Variants in TMCC1 observed in about 807,000 individuals in gnomAD.
The protein encoded by TMCC1 is transmembrane and coiled-coil domains protein 1.
Under a neutral mutation model 52.4 loss-of-function variants are expected in TMCC1, and 15 were observed. That is an observed-to-expected ratio of 0.29 (90% CI 0.19 to 0.44). The LOEUF (loss-of-function observed/expected upper bound fraction) is 0.44. Ranked by LOEUF, TMCC1 falls within the 20% of genes least tolerant of loss-of-function variation. The probability of loss-of-function intolerance (pLI) is 1.00; values close to 1 mark genes in which losing one functional copy is unlikely to be tolerated. For missense variants in TMCC1, 503 were observed against 806.0 expected (o/e 0.62, Z 4.55); for synonymous variants, 279 against 301.9 (o/e 0.92, Z 0.79).
intron 4 of TMCC1, among the ~76,000 whole-genome samples, chr3:129,724,223 T>C (rs2049896883): frequency 1.3e-5 from 2 of 152,086 alleles, no homozygotes; most frequent in Admixed American, 1.3e-4. Context: ...AAACAAGAGA[T>C]CTATGGTGTC....
intron 4 of TMCC1, among the ~76,000 whole-genome samples, chr3:129,683,118 A>C (rs1232682197): frequency 6.6e-6 from 1 of 152,248 alleles, no homozygotes; most frequent in Non-Finnish European, 1.5e-5. Flanking sequence ...TACAGGCATG[A>C]GCCACTACGC....
chr3:129,708,220 G>A (rs1220137168), intron 4 of TMCC1, among the ~76,000 whole-genome samples: 2 of 151,866 alleles, frequency 1.3e-5, no homozygotes, highest in Admixed American at 6.6e-5. Flanking sequence ...TTCCTCTTGG[G>A]GTGTTTTATG....
At chr3:129,658,139 A>G (rs1392990926) in intron 5 of TMCC1, among the ~76,000 whole-genome samples, 1 of 152,158 alleles carries the variant, frequency 6.6e-6, no homozygotes, top group African/African-American at 2.4e-5. Context: ...TTCTCCTTCA[A>G]TCGATGGATG....
chr3:129,780,542 T>C (rs2055436997), intron 4 of TMCC1, among the ~76,000 whole-genome samples: 1 of 152,054 alleles, frequency 6.6e-6, no homozygotes, highest in South Asian at 2.1e-4. Flanking sequence ...AAAATCTTTT[T>C]ACTTAGCCAT....
chr3:129,830,721 G>A (rs1285240696), intron 3 of TMCC1, among the ~76,000 whole-genome samples: 5 of 152,298 alleles, frequency 3.3e-5, no homozygotes, highest in African/African-American at 7.2e-5. Context: ...AAGAATAAAG[G>A]AATGATGTCA....
chr3:129,707,930 CAAAAA>C (rs931591808), intron 4 of TMCC1, among the ~76,000 whole-genome samples: 1 of 128,144 alleles, frequency 7.8e-6, no homozygotes, highest in African/African-American at 2.9e-5. Context: ...GACTCAGTCT[CAAAAA>C]AAAAAAAGTT....
chr3:129,840,368 C>A (rs2059369891), intron 2 of TMCC1, among the ~76,000 whole-genome samples: 1 of 146,802 alleles, frequency 6.8e-6, no homozygotes, highest in South Asian at 2.2e-4. Context: ...ATATTCGGTC[C>A]ACAAGAAGCC....
In TMCC1 at chr3:129,889,472, G is replaced by T. The variant is rs192358504; in HGVS notation, c.-435+4022C>A. ...ACCTGTGGAAACCTGATAAAGTATG[G>T]TCTCTGTGATAATGTATCAATACTG... On this transcript the variant is annotated intron_variant, in intron 1 of 6. Coordinates refer to ENST00000393238, the MANE Select transcript of TMCC1 (RefSeq NM_001017395.5). Among the ~76,000 whole-genome samples the T allele has an allele frequency of 1.4e-3, 206 of 152,290 alleles. 7 individuals carry two copies. The South Asian group carries it at 0.042, about 31-fold the overall frequency.
At chr3:129,825,106 C>A (rs1351844313) in intron 4 of TMCC1, among the ~76,000 whole-genome samples, 1 of 152,206 alleles carries the variant, frequency 6.6e-6, no homozygotes, top group Admixed American at 6.5e-5. Context: ...CTCACTTCCA[C>A]CTACCAATCC....
At chr3:129,850,002 G>T (rs2059845097) in intron 2 of TMCC1, among the ~76,000 whole-genome samples, 1 of 151,260 alleles carries the variant, frequency 6.6e-6, no homozygotes, top group Admixed American at 6.6e-5. Flanking sequence ...TTAACATTTA[G>T]ATTAGGTATC....
At chr3:129,832,430 G>C (rs1329849120) in intron 3 of TMCC1, among the ~76,000 whole-genome samples, 1 of 152,126 alleles carries the variant, frequency 6.6e-6, no homozygotes, top group Admixed American at 6.5e-5. Context: ...CTACCAGTCA[G>C]GCATTTCAAA....
chr3:129,658,546 C>T (rs544095844), intron 5 of TMCC1, among the ~76,000 whole-genome samples: 1 of 152,322 alleles, frequency 6.6e-6, no homozygotes, highest in South Asian at 2.1e-4. Flanking sequence ...TAGCAGCAGC[C>T]TGTGGGCTCT....
chr3:129,726,197 T>C (rs963793516), intron 4 of TMCC1, among the ~76,000 whole-genome samples: 3 of 152,202 alleles, frequency 2.0e-5, no homozygotes, highest in African/African-American at 4.8e-5. Context: ...TCTAAATTAC[T>C]ATCCTCAATG....
At chr3:129,761,374 T>A (rs2053584574) in intron 4 of TMCC1, among the ~76,000 whole-genome samples, 1 of 144,556 alleles carries the variant, frequency 6.9e-6, no homozygotes, top group African/African-American at 2.5e-5. Flanking sequence ...CACCTGTTGA[T>A]CCCTCCTCCT....
At chr3:129,657,608 G>C (rs1006878739) in intron 5 of TMCC1, among the ~76,000 whole-genome samples, 2 of 152,216 alleles carry the variant, frequency 1.3e-5, no homozygotes, top group African/African-American at 4.8e-5. Context: ...TAAGAAATCA[G>C]AGTCAGAGTG....
Position 129,671,213 on chromosome 3 carries a change from A to C in TMCC1, c.628T>G (p.Ser210Ala). Residue 210 changes from serine to alanine, a missense_variant, in exon 5 of 7, where the codon TCC (serine) becomes GCC (alanine). Transcript: ENST00000393238. ...GTGTGGATGCTGCCATCGGTACTGG[A>C]GGCCACTGCACTGGATGTTTGGGCA... ...SLAQTSSAVA[S>A]STDGSIHTDS... 6.2e-7 allele frequency: 1 copy of C among 1,614,094 alleles called. No individual in the cohort carries two copies. The highest frequency in any genetic ancestry group is 1.1e-5 in the South Asian group (1 of 91,080).
At chr3:129,699,269 C>T (rs948173576) in intron 4 of TMCC1, among the ~76,000 whole-genome samples, 1 of 152,152 alleles carries the variant, frequency 6.6e-6, no homozygotes, top group South Asian at 2.1e-4. Flanking sequence ...CAAGACCTTG[C>T]TGATAAAATA....
At chr3:129,891,779 T>C (rs2061973378) in intron 1 of TMCC1, among the ~76,000 whole-genome samples, 2 of 152,342 alleles carry the variant, frequency 1.3e-5, no homozygotes, top group East Asian at 3.9e-4. Context: ...AATTAATGAA[T>C]GATCCATAAA....
At chr3:129,725,136 C>T (rs1327399098) in intron 4 of TMCC1, among the ~76,000 whole-genome samples, 1 of 152,038 alleles carries the variant, frequency 6.6e-6, no homozygotes, top group Admixed American at 6.6e-5. Flanking sequence ...CTTTTTGAGA[C>T]AGGGTCTTGC....
Sources: gnomAD v4.1 joint callset for allele counts (sites outside exome capture counted in the v4.1 genomes callset) on GRCh38, gnomAD v4.1.1 for gene constraint, MANE v1.5 for transcripts, NCBI Gene and HGNC (gene_info 2026-07-23, HGNC 2026-07-21) for gene names.